The following ATE1 variants were observed in gnomAD, a reference collection of about 807,000 sequenced individuals.
ATE1 encodes the protein arginyltransferase 1, also known as arginyl-tRNA--protein transferase 1.
A neutral mutation model predicts 70.5 loss-of-function variants in ATE1; 36 were observed. The observed-to-expected ratio is 0.51, with a 90% CI of 0.39 to 0.67. The LOEUF (loss-of-function observed/expected upper bound fraction) is 0.67. Ranked by LOEUF, ATE1 falls within the 30% of genes least tolerant of loss-of-function variation. The pLI is 0.00. For missense variants in ATE1, 593 were observed against 629.5 expected (o/e 0.94, Z 0.62); for synonymous variants, 232 against 219.3 (o/e 1.06, Z -0.51).
chr10:121,784,866 G>GA (rs953963798), intron 11 of ATE1, among the ~76,000 whole-genome samples: 33 of 151,372 alleles, frequency 2.2e-4, no homozygotes, highest in Admixed American at 8.5e-4. Context: ...CACAAAAAAA[G>GA]AAAAAAAATC....
chr10:121,821,261 G>T (rs1385630223), intron 10 of ATE1, among the ~76,000 whole-genome samples: 1 of 152,110 alleles, frequency 6.6e-6, no homozygotes, highest in Non-Finnish European at 1.5e-5. Flanking sequence ...CATTTCCATG[G>T]CCATAGGGTA....
Position 121,902,487 on chromosome 10 carries a change from T to C in ATE1, c.717A>G (p.Pro239=), listed in dbSNP as rs757349774. The change falls in exon 6 of 12, where the codon CCA becomes CCG. Residue 239 remains proline (P), a synonymous_variant. Coordinates refer to ENST00000224652, the MANE Select transcript of ATE1 (RefSeq NM_001001976.3). ...ATTTAGCCTTTGGTGGAAACAAAGA[T>C]GGTGGGTGACCTTGAGCCTGGAAAC... ...LEGFQAQGHP[P]SLFPPKAKSN... The C allele has an allele frequency of 3.1e-6, 5 of 1,614,098 alleles. No homozygotes were observed. The highest frequency in any genetic ancestry group is 1.3e-5 in the African/African-American group (1 of 74,942).
At position 121,743,669 on chromosome 10, in the gene ATE1, A is replaced by G; in HGVS notation, c.*11T>C. 4 of 1,598,032 alleles carry G rather than the reference A, an allele frequency of 2.5e-6. No individual in the cohort carries two copies. The highest frequency in any genetic ancestry group is 3.4e-6 in the Non-Finnish European group (4 of 1,172,856). ...GCACAACACAGGAACTTCCCGGCAG[A>G]GGTGAACAGGTCAGTTTCTGAACAG... On this transcript the variant is annotated 3_prime_UTR_variant, in exon 12 of 12. Transcript: ENST00000224652.
chr10:121,870,701 C>A (rs1949824324), intron 7 of ATE1, among the ~76,000 whole-genome samples: 1 of 152,096 alleles, frequency 6.6e-6, no homozygotes, highest in Non-Finnish European at 1.5e-5. Context: ...TAGAATATCA[C>A]CTGAAACTAA....
chr10:121,802,316 T>G (rs891385299), intron 10 of ATE1, among the ~76,000 whole-genome samples: 2 of 21,878 alleles, frequency 9.1e-5, no homozygotes, highest in African/African-American at 2.8e-4. Flanking sequence ...CTACTCCACT[T>G]TTTTTTTTTT....
chr10:121,783,472 C>T (rs1024173677), intron 11 of ATE1, among the ~76,000 whole-genome samples: 2 of 151,788 alleles, frequency 1.3e-5, no homozygotes, highest in African/African-American at 4.8e-5. Flanking sequence ...TTATACACTT[C>T]GACAGCTCAA....
chr10:121,873,571 A>T (rs1467721055), intron 7 of ATE1, among the ~76,000 whole-genome samples: 3 of 152,064 alleles, frequency 2.0e-5, no homozygotes, highest in Admixed American at 1.3e-4. Flanking sequence ...TATTAGTTAC[A>T]ATCAGTAAGT....
intron 10 of ATE1, among the ~76,000 whole-genome samples, chr10:121,824,194 A>G (rs1947915579): frequency 6.6e-6 from 1 of 152,212 alleles, no homozygotes; most frequent in Admixed American, 6.5e-5. Context: ...AATTCACAGG[A>G]CATCTGACAT....
intron 11 of ATE1, among the ~76,000 whole-genome samples, chr10:121,764,474 C>T (rs969901625): frequency 4.0e-5 from 4 of 99,392 alleles, no homozygotes; most frequent in African/African-American, 7.9e-5. Context: ...TTGTCTGTAC[C>T]GGTTCCTGCA....
At chr10:121,893,001 G>T (rs1008945354) in intron 7 of ATE1, among the ~76,000 whole-genome samples, 8 of 152,080 alleles carry the variant, frequency 5.3e-5, no homozygotes, top group African/African-American at 1.9e-4. Context: ...ATTGTAGGCC[G>T]GGCACGGTGG....
chr10:121,776,744 G>A (rs185448013), intron 11 of ATE1, among the ~76,000 whole-genome samples: 29 of 152,362 alleles, frequency 1.9e-4, no homozygotes, highest in Admixed American at 6.5e-4. Context: ...ACGCATGCAC[G>A]CGTGTGCACA....
At chr10:121,909,702 C>T (rs569250208) in intron 5 of ATE1, among the ~76,000 whole-genome samples, 54 of 151,988 alleles carry the variant, frequency 3.6e-4, no homozygotes, top group African/African-American at 1.3e-3. Flanking sequence ...AAGAATTGAC[C>T]CTACCCCCCA....
intron 9 of ATE1, among the ~76,000 whole-genome samples, chr10:121,839,240 A>G (rs1948541010): frequency 6.6e-6 from 1 of 152,186 alleles, no homozygotes; most frequent in South Asian, 2.1e-4. Context: ...AAGGTGATCA[A>G]TAGAACTCTT....
At chr10:121,750,095 GATTT>G (rs1452750846) in intron 11 of ATE1, among the ~76,000 whole-genome samples, 1 of 152,052 alleles carries the variant, frequency 6.6e-6, no homozygotes, top group Non-Finnish European at 1.5e-5. Context: ...AATAAATTAT[GATTT>G]ATATACTAAA....
intron 10 of ATE1, among the ~76,000 whole-genome samples, chr10:121,799,275 G>A (rs1317557110): frequency 6.6e-6 from 1 of 152,142 alleles, no homozygotes; most frequent in Non-Finnish European, 1.5e-5. Context: ...GAAGGAGCTG[G>A]AGCAGCCAGC....
At chr10:121,848,318 T>TC (rs1554908709) in intron 8 of ATE1, among the ~76,000 whole-genome samples, 55 of 151,660 alleles carry the variant, frequency 3.6e-4, no homozygotes, top group South Asian at 3.5e-3. Context: ...ATTCATTCAT[T>TC]AAAAAACTTA....
At chr10:121,780,927 C>A (rs1304418132) in intron 11 of ATE1, among the ~76,000 whole-genome samples, 1 of 152,188 alleles carries the variant, frequency 6.6e-6, no homozygotes, top group Non-Finnish European at 1.5e-5. Context: ...ACTAGGTTCC[C>A]TGAGGACTGG....
At chr10:121,870,786 T>C (rs1423981779) in intron 7 of ATE1, among the ~76,000 whole-genome samples, 3 of 152,216 alleles carry the variant, frequency 2.0e-5, no homozygotes, top group Non-Finnish European at 4.4e-5. Flanking sequence ...AATTGTAGTA[T>C]ACCTCTGAAA....
intron 7 of ATE1, among the ~76,000 whole-genome samples, chr10:121,870,814 C>T (rs1949828504): frequency 6.6e-6 from 1 of 152,188 alleles, no homozygotes; most frequent in Non-Finnish European, 1.5e-5. Flanking sequence ...CGTCACATAA[C>T]TTCATGCATA....
Sources: allele counts gnomAD v4.1 joint callset (sites outside exome capture counted in the v4.1 genomes callset), GRCh38; gene constraint gnomAD v4.1.1; transcripts MANE v1.5; gene names NCBI Gene and HGNC (gene_info 2026-07-23, HGNC 2026-07-21).